Variants in RGS20 observed in about 807,000 individuals in gnomAD.
RGS20 encodes gz-selective GTPase-activating protein.
Under a neutral mutation model 33.6 loss-of-function variants are expected in RGS20, and 30 were observed. The observed-to-expected ratio is 0.89, with a 90% CI of 0.67 to 1.21. The LOEUF is 1.21. Among genes scored for constraint, RGS20 ranks in the 50% most tolerant of loss-of-function variants. The pLI is 0.00. For synonymous variants in RGS20, 208 were observed against 197.9 expected (o/e 1.05, Z -0.43); for missense variants, 472 against 502.4 (o/e 0.94, Z 0.58).
chr8:53,918,588 A>C (rs1038630995), intron 2 of RGS20, among the ~76,000 whole-genome samples: 2 of 151,976 alleles, frequency 1.3e-5, no homozygotes, highest in African/African-American at 4.8e-5. Context: ...GGGTTTCACT[A>C]TGTTGGTCAG....
intron 1 of RGS20, chr8:53,879,209 G>T: frequency 6.6e-7 from 1 of 1,509,844 alleles, no homozygotes. Flanking sequence ...TAAGCGGCCG[G>T]ACACCACAGT....
chr8:53,920,320 C>T (rs62515801), intron 2 of RGS20, among the ~76,000 whole-genome samples: 2,480 of 152,136 alleles, frequency 0.016, 26 homozygotes, highest in Non-Finnish European at 0.027. Flanking sequence ...CCAGAATGTT[C>T]ACTGCTAGTG....
intron 4 of RGS20, among the ~76,000 whole-genome samples, chr8:53,947,943 A>C (rs975591701): frequency 7.4e-6 from 1 of 135,690 alleles, no homozygotes; most frequent in East Asian, 2.1e-4. Context: ...TATATATATA[A>C]GATATAGTAT....
chr8:53,949,162 T>C (rs376535972), intron 4 of RGS20, among the ~76,000 whole-genome samples: 4 of 83,834 alleles, frequency 4.8e-5, no homozygotes, highest in Non-Finnish European at 8.8e-5. Flanking sequence ...TATATATTTA[T>C]ATATGCTATA....
At chr8:53,902,649 A>T (rs185148208) in intron 2 of RGS20, among the ~76,000 whole-genome samples, 16 of 152,350 alleles carry the variant, frequency 1.1e-4, no homozygotes, top group Non-Finnish European at 1.9e-4. Flanking sequence ...CTGGCTCATT[A>T]CACTGACCAA....
chr8:53,899,544 C>T (rs137941383), intron 2 of RGS20, among the ~76,000 whole-genome samples: 19 of 152,264 alleles, frequency 1.2e-4, no homozygotes, highest in Middle Eastern at 3.4e-3. Flanking sequence ...AAGAAGAGAC[C>T]CAGCACCCCT....
intron 1 of RGS20, among the ~76,000 whole-genome samples, chr8:53,876,935 A>ACTG (rs1812222199): frequency 6.6e-6 from 1 of 152,186 alleles, no homozygotes; most frequent in Non-Finnish European, 1.5e-5. Flanking sequence ...CCGAAGCAAA[A>ACTG]TGCCTAATGA....
At chr8:53,870,262 T>TACACAC (rs112678663) in intron 1 of RGS20, among the ~76,000 whole-genome samples, 24 of 149,972 alleles carry the variant, frequency 1.6e-4, no homozygotes, top group African/African-American at 5.9e-4. Flanking sequence ...GATATGTGTG[T>TACACAC]ACACACACAC....
intron 1 of RGS20, among the ~76,000 whole-genome samples, chr8:53,873,019 G>A (rs1227905595): frequency 2.0e-5 from 3 of 152,056 alleles, no homozygotes; most frequent in African/African-American, 4.8e-5. Context: ...GGTAGGAGGC[G>A]ATTGAGTCAC....
chr8:53,957,285 C>G (rs1484715099), intron 5 of RGS20, among the ~76,000 whole-genome samples: 2 of 152,310 alleles, frequency 1.3e-5, no homozygotes, highest in Admixed American at 1.3e-4. Context: ...TGCCACCATG[C>G]CCAGCTAGTA....
At chr8:53,865,056 C>T (rs1488774647) in intron 1 of RGS20, among the ~76,000 whole-genome samples, 1 of 152,256 alleles carries the variant, frequency 6.6e-6, no homozygotes, top group African/African-American at 2.4e-5. Flanking sequence ...CCCCGCATGG[C>T]CTGAACGAGG....
intron 2 of RGS20, among the ~76,000 whole-genome samples, chr8:53,933,376 A>C (rs1585935505): frequency 6.6e-6 from 1 of 152,180 alleles, no homozygotes; most frequent in Non-Finnish European, 1.5e-5. Context: ...AGATTAGAGG[A>C]ATTGCTATCT....
chr8:53,921,442 CTTTT>C (rs879442015), intron 2 of RGS20, among the ~76,000 whole-genome samples: 2 of 125,238 alleles, frequency 1.6e-5, no homozygotes, highest in Admixed American at 7.9e-5. Flanking sequence ...CTGAGCTTTT[CTTTT>C]TTTTTTTTTT....
At chr8:53,929,217 TTCACCA>T (rs1813886182) in intron 2 of RGS20, among the ~76,000 whole-genome samples, 1 of 152,186 alleles carries the variant, frequency 6.6e-6, no homozygotes, top group Admixed American at 6.5e-5. Flanking sequence ...TGAGGATGTG[TTCACCA>T]TCTTGATTGT....
chr8:53,913,462 A>G (rs1311060030), intron 2 of RGS20: 1 of 152,212 alleles, frequency 6.6e-6, no homozygotes, highest in Non-Finnish European at 1.5e-5. Flanking sequence ...AGTTCTAACC[A>G]TGATACCTGT....
At chr8:53,852,193 T>TC in intron 1 of RGS20, 2 of 883,462 alleles carry the variant, frequency 2.3e-6, no homozygotes, top group Non-Finnish European at 3.2e-6. Context: ...AAAAATGTTT[T>TC]CAAACCATCC....
intron 2 of RGS20, chr8:53,879,926 T>G: frequency 3.4e-6 from 1 of 293,422 alleles, no homozygotes; most frequent in East Asian, 5.9e-5. Flanking sequence ...CTCCTCCGCC[T>G]ACTCCGAGCC....
intron 2 of RGS20, among the ~76,000 whole-genome samples, chr8:53,905,550 T>A: frequency 6.6e-6 from 1 of 152,184 alleles, no homozygotes; most frequent in Admixed American, 6.5e-5. Flanking sequence ...CATCTCAGCA[T>A]CCTACTAAAC....
intron 2 of RGS20, among the ~76,000 whole-genome samples, chr8:53,892,050 C>A (rs928715738): frequency 3.9e-5 from 6 of 152,090 alleles, no homozygotes; most frequent in African/African-American, 1.4e-4. Flanking sequence ...CTCCCCACAC[C>A]CCACAACAGT....
Sources: allele counts gnomAD v4.1 joint callset (sites outside exome capture counted in the v4.1 genomes callset), GRCh38; gene constraint gnomAD v4.1.1; transcripts MANE v1.5; gene names NCBI Gene and HGNC (gene_info 2026-07-23, HGNC 2026-07-21).